FAT4: variants seen among roughly 807,000 people sequenced by gnomAD.
The protein encoded by FAT4 is protocadherin Fat 4.
FAT4 carries 84 observed loss-of-function variants against 303.9 expected under a neutral mutation model. The ratio of observed to expected loss-of-function variants is 0.28; its 90% CI spans 0.23 to 0.33. The LOEUF (loss-of-function observed/expected upper bound fraction) is 0.33. Ranked by LOEUF, FAT4 falls within the 10% of genes least tolerant of loss-of-function variation. The pLI is 1.00. For synonymous variants in FAT4, 2,307 were observed against 2,298.8 expected, an observed-to-expected ratio of 1.00 and a Z score of -0.10; for missense variants, 6,005 against 6,146.8, an observed-to-expected ratio of 0.98 and a Z score of 0.77.
chr4:125,488,663 C>G (rs988012109), intron 17 of FAT4, among the ~76,000 whole-genome samples: 1 of 152,160 alleles, frequency 6.6e-6, no homozygotes, highest in African/African-American at 2.4e-5. Context: ...CAGCATATGT[C>G]TGAGAAATAT....
At position 125,321,173 on chromosome 4, in the gene FAT4, T is replaced by G. The variant is rs1322924669; in HGVS notation, c.4762T>G (p.Ser1588Ala). The change falls in exon 2 of 18, where the codon TCA becomes GCA. Residue 1588 changes from serine to alanine, a missense_variant. Ser to Ala is a moderately conservative substitution (Grantham distance 99). Coordinates refer to ENST00000394329, the MANE Select transcript of FAT4 (RefSeq NM_001291303.3). ...DRYSGDLRVA[S>A]ALVPSQLIYN... ...TTATAGTGGAGACCTGAGAGTGGCT[T>G]CAGCGTTGGTGCCTTCACAGTTGAT... The G allele has an allele frequency of 1.2e-6, 2 of 1,614,032 alleles. No individual in the cohort carries two copies. Among genetic ancestry groups the G allele is most frequent in the African/African-American group, 2.7e-5 (2 of 74,918 alleles).
rs1279508288 is a variant in FAT4, at chr4:125,317,400, T to G, written c.989T>G (p.Val330Gly). ...ACGGTGCAGGCGATGGACAGAGGCG[T>G]GCCTTCCCTCACTGGGCGCGCCGAG... Reference protein sequence around the residue: ...SLTVQAMDRGVPSLTGRAEAL... With the variant: ...SLTVQAMDRGGPSLTGRAEAL... Residue 330 changes from valine to glycine, a missense_variant, in exon 2 of 18, where the codon GTG becomes GGG. Coordinates refer to ENST00000394329, the MANE Select transcript of FAT4 (RefSeq NM_001291303.3). This position sits in a 1 kb window ranked among gnomAD's most constrained non-coding sequence, Gnocchi z 7.0. 6.2e-7 allele frequency: 1 copy of G among 1,613,526 alleles called. No homozygotes were observed.
At chr4:125,408,823 A>C (rs762863018) in intron 5 of FAT4, 29 bp downstream of exon 5, 15 of 1,092,848 alleles carry the variant, frequency 1.4e-5, no homozygotes, top group Non-Finnish European at 1.9e-5. Flanking sequence ...ATAATTTTTA[A>C]AACATCTATA....
chr4:125,317,397 G>T lies in FAT4; in HGVS notation c.986G>T (p.Gly329Val), dbSNP rs1302283843. 3 of 1,613,398 alleles carry T rather than the reference G, an allele frequency of 1.9e-6. No homozygotes were observed. Among genetic ancestry groups the T allele is most frequent in the Non-Finnish European group, 2.5e-6 (3 of 1,180,048 alleles). The change falls in exon 2 of 18, where the codon GGC (glycine) becomes GTC (valine). Residue 329 changes from glycine to valine, a missense_variant. Physicochemically the swap from Gly to Val is moderately radical, Grantham distance 109 (BLOSUM62 -3). Transcript: ENST00000394329. This position sits in a 1 kb window ranked among gnomAD's most constrained non-coding sequence, Gnocchi z 7.0. Reference sequence around the variant, plus strand: ...CTTACGGTGCAGGCGATGGACAGAGGCGTGCCTTCCCTCACTGGGCGCGCC... The same window carrying T: ...CTTACGGTGCAGGCGATGGACAGAGTCGTGCCTTCCCTCACTGGGCGCGCC... Reference protein sequence around the residue: ...YSLTVQAMDRGVPSLTGRAEA... With the variant: ...YSLTVQAMDRVVPSLTGRAEA...
chr4:125,354,381 A>G (rs1732348083), intron 2 of FAT4, among the ~76,000 whole-genome samples: 1 of 151,784 alleles, frequency 6.6e-6, no homozygotes, highest in African/African-American at 2.4e-5. Context: ...CTTTGGTGTT[A>G]TATATGGATA....
chr4:125,443,698 C>G (rs925869203), intron 8 of FAT4, among the ~76,000 whole-genome samples: 3 of 152,068 alleles, frequency 2.0e-5, no homozygotes, highest in Non-Finnish European at 2.9e-5. Flanking sequence ...ATTTAAGTAA[C>G]AGCATAAATG....
chr4:125,475,964 A>T (rs1451628869), intron 12 of FAT4, among the ~76,000 whole-genome samples: 1 of 152,140 alleles, frequency 6.6e-6, no homozygotes, highest in Non-Finnish European at 1.5e-5. Flanking sequence ...TCATAGGTAT[A>T]GATAGTCATA....
At chr4:125,344,035 G>A (rs969070750) in intron 2 of FAT4, among the ~76,000 whole-genome samples, 2 of 152,060 alleles carry the variant, frequency 1.3e-5, no homozygotes, top group Admixed American at 1.3e-4. Context: ...AGCCTTTATT[G>A]CTAGGTTAAG....
chr4:125,340,334 C>T (rs1460095223), intron 2 of FAT4, among the ~76,000 whole-genome samples: 1 of 152,112 alleles, frequency 6.6e-6, no homozygotes, highest in Non-Finnish European at 1.5e-5. Context: ...TTTAACAAGT[C>T]CCTCAAGGGA....
intron 9 of FAT4, 129 bp from the exon 10 acceptor site, chr4:125,448,332 T>C: frequency 1.2e-6 from 1 of 823,126 alleles, no homozygotes; most frequent in Non-Finnish European, 1.9e-6. Context: ...GAGATACTGT[T>C]CTCCCTAGTA....
At chr4:125,350,021 A>G (rs1732162002) in intron 2 of FAT4, among the ~76,000 whole-genome samples, 1 of 151,762 alleles carries the variant, frequency 6.6e-6, no homozygotes, top group Admixed American at 6.6e-5. Context: ...TGGATCCAGT[A>G]AATTTCTATA....
intron 2 of FAT4, among the ~76,000 whole-genome samples, chr4:125,324,253 T>C (rs536510090): frequency 6.6e-6 from 1 of 152,282 alleles, no homozygotes; most frequent in African/African-American, 2.4e-5. Context: ...AAAAAATAGA[T>C]ATATGTACTT....
intron 2 of FAT4, among the ~76,000 whole-genome samples, chr4:125,327,337 T>G (rs1731197324): frequency 1.3e-5 from 2 of 152,158 alleles, no homozygotes; most frequent in African/African-American, 4.8e-5. Flanking sequence ...TTTTGAATTT[T>G]TAGGTGATAA....
chr4:125,489,991 C>G lies in FAT4; in HGVS notation c.13175C>G (p.Thr4392Arg), dbSNP rs1231580702. 2 of 1,613,704 alleles carry G rather than the reference C, an allele frequency of 1.2e-6. No individual in the cohort carries two copies. The highest frequency in any genetic ancestry group is 1.7e-6 in the Non-Finnish European group (2 of 1,179,982). ...GKHSLASISK[T>R]DPSVKIGCRG... The stretch of plus-strand genomic sequence containing the variant: ...CATAGCTTGGCCTCCATCTCAAAAA[C>G]AGATCCCTCAGTGAAGATTGGCTGC... The change falls in exon 18 of 18, where the codon ACA becomes AGA. Residue 4392 changes from threonine (T) to arginine (R), a missense_variant. Coordinates refer to ENST00000394329, the MANE Select transcript of FAT4 (RefSeq NM_001291303.3).
intron 9 of FAT4, among the ~76,000 whole-genome samples, chr4:125,447,762 AC>A (rs1466997146): frequency 6.6e-6 from 1 of 152,024 alleles, no homozygotes; most frequent in Non-Finnish European, 1.5e-5. Context: ...TTTCATTGGC[AC>A]TCAGTCTAAG....
chr4:125,405,253 A>G (rs974704323), intron 3 of FAT4, among the ~76,000 whole-genome samples: 4 of 152,102 alleles, frequency 2.6e-5, no homozygotes, highest in Non-Finnish European at 4.4e-5. Context: ...CATTGTGAAA[A>G]AAGGATTGCT....
In FAT4 at chr4:125,316,838, A is replaced by G; in HGVS notation, c.427A>G (p.Thr143Ala). ...TTTCCCGGACCCCTCTATCGTGGTC[A>G]CTTTCAAGGAAGACAGTAGCAGCGG... ...PVFPDPSIVV[T>A]FKEDSSSGRQ... Residue 143 changes from threonine to alanine, a missense_variant, in exon 2 of 18, where the codon ACT (threonine) becomes GCT (alanine). Transcript: ENST00000394329. The surrounding 1 kb of genome is among the most constrained non-coding windows in gnomAD (Gnocchi z 5.7). The G allele has an allele frequency of 6.2e-7, 1 of 1,614,012 alleles. No homozygotes were observed. The highest frequency in any genetic ancestry group is 1.3e-5 in the African/African-American group (1 of 75,040).
chr4:125,483,169 G>A lies in FAT4; in HGVS notation c.12822+1431G>A, dbSNP rs1017125828. On this transcript the variant is annotated intron_variant, in intron 16 of 17. Coordinates refer to ENST00000394329, the MANE Select transcript of FAT4 (RefSeq NM_001291303.3). ...TTAACTTTACCTCTATTGAAGCAAA[G>A]GACCCAGTTCCAGAGTTAATAAAAC... Among the ~76,000 whole-genome samples, 33 of 152,214 alleles carry A rather than the reference G, an allele frequency of 2.2e-4. No homozygotes were observed. The Middle Eastern group carries it at 0.01, about 47-fold the overall frequency.
intron 2 of FAT4, among the ~76,000 whole-genome samples, chr4:125,370,820 A>G (rs116412610): frequency 9.5e-4 from 145 of 152,306 alleles, no homozygotes; most frequent in Middle Eastern, 6.8e-3. Flanking sequence ...AAAATTTTAT[A>G]GAAATCATCA....
Sources: allele counts gnomAD v4.1 joint callset (sites outside exome capture counted in the v4.1 genomes callset), GRCh38; gene constraint gnomAD v4.1.1; non-coding constraint Gnocchi (gnomAD v3.1); transcripts MANE v1.5; gene names NCBI Gene and HGNC (gene_info 2026-07-23, HGNC 2026-07-21).